POC1A: variants seen among roughly 807,000 people sequenced by gnomAD.
POC1A encodes the protein POC1 centriolar protein A.
In POC1A, 34 loss-of-function variants were observed where a neutral mutation model predicts 47.8. The observed-to-expected ratio is 0.71, with a 90% confidence interval of 0.54 to 0.95. The LOEUF (loss-of-function observed/expected upper bound fraction) is 0.95, where lower values mean the gene tolerates loss of function less well. POC1A is among the 40% of genes least tolerant of loss of function. The pLI, the probability that POC1A is intolerant of heterozygous loss-of-function variation, is 0.00. For missense variants in POC1A, 466 were observed against 528.3 expected (o/e 0.88, Z 1.16); for synonymous variants, 177 against 207.6 (o/e 0.85, Z 1.27).
chr3:52,149,481 C>T (rs1698481713), intron 3 of POC1A, 92 bp from the exon 4 acceptor site: 2 of 1,236,812 alleles, frequency 1.6e-6, no homozygotes, highest in Non-Finnish European at 2.3e-6. Flanking sequence ...CTCAAGCACC[C>T]CTCCCAAAGT....
intron 7 of POC1A, among the ~76,000 whole-genome samples, chr3:52,129,193 C>A (rs747695807): frequency 8.5e-5 from 13 of 152,070 alleles, no homozygotes; most frequent in Non-Finnish European, 1.5e-4. Context: ...GCAGGAGAAT[C>A]GCTTAAACCC....
At chr3:52,105,424 A>G (rs1237261318) in intron 9 of POC1A, among the ~76,000 whole-genome samples, 2 of 152,204 alleles carry the variant, frequency 1.3e-5, no homozygotes, top group African/African-American at 4.8e-5. Context: ...GCCTTCATGA[A>G]AAGTTGACAG....
chr3:52,085,324 T>C (rs1002449046), intron 10 of POC1A, among the ~76,000 whole-genome samples: 1 of 152,134 alleles, frequency 6.6e-6, no homozygotes, highest in Non-Finnish European at 1.5e-5. Flanking sequence ...CTCCTCTCAG[T>C]CCCCATCCTC....
chr3:52,089,135 C>T (rs774225338), intron 10 of POC1A, among the ~76,000 whole-genome samples: 3 of 151,822 alleles, frequency 2.0e-5, no homozygotes, highest in East Asian at 1.9e-4. Context: ...CGAGCTTGCC[C>T]GTTTTTGAGT....
Position 52,075,932 on chromosome 3 carries a change from C to G in POC1A, c.1179G>C (p.Gln393His). The change falls in exon 11 of 11, where the codon CAG (glutamine) becomes CAC (histidine). Residue 393 changes from glutamine to histidine, a missense_variant. Coordinates refer to ENST00000296484, the MANE Select transcript of POC1A (RefSeq NM_015426.5). Reference protein sequence around the residue: ...RLTLTEDKLKQCLENQQLIMQ... With the variant: ...RLTLTEDKLKHCLENQQLIMQ... ...TGATTAGCTGCTGGTTCTCCAGACA[C>G]TGCTTCAGCTTGTCTTCTGTCAGTG... 1 of 1,614,110 alleles carries G rather than the reference C, an allele frequency of 6.2e-7. No homozygotes were observed.
chr3:52,137,917 A>G (rs1409801699), intron 7 of POC1A, among the ~76,000 whole-genome samples: 1 of 152,204 alleles, frequency 6.6e-6, no homozygotes, highest in Non-Finnish European at 1.5e-5. Context: ...GATTCCATTC[A>G]GGCCCCTAAG....
At chr3:52,134,038 GGA>G (rs1410566293) in intron 7 of POC1A, among the ~76,000 whole-genome samples, 2 of 152,208 alleles carry the variant, frequency 1.3e-5, no homozygotes, top group Admixed American at 6.5e-5. Flanking sequence ...CCCTTCTGTT[GGA>G]TCAGAATGGG....
intron 7 of POC1A, among the ~76,000 whole-genome samples, chr3:52,136,526 T>C (rs1355869420): frequency 6.6e-6 from 1 of 152,198 alleles, no homozygotes; most frequent in African/African-American, 2.4e-5. Flanking sequence ...CGATGATGAA[T>C]GAACAAACAG....
chr3:52,154,288 G>A (rs960219067), intron 1 of POC1A, 67 bp downstream of exon 1: 5 of 1,485,694 alleles, frequency 3.4e-6, no homozygotes, highest in Admixed American at 4.0e-5. Context: ...CATCGCTCTG[G>A]CCATTAGGCG....
Position 52,075,993 on chromosome 3 carries a change from AT to A in POC1A, c.1126-9del. ...CTCCAGAATGGAGACTGTCTGCAAAATAAACAGTGGTTGGGTCAGAACACAG... is the reference window on the plus strand; with the variant it reads ...CTCCAGAATGGAGACTGTCTGCAAAAAAACAGTGGTTGGGTCAGAACACAG... On this transcript the variant is annotated splice_polypyrimidine_tract_variant and intron_variant, in intron 10 of 10. Transcript: ENST00000296484. The A allele has an allele frequency of 6.2e-7, 1 of 1,609,042 alleles. No individual in the cohort carries two copies. Among genetic ancestry groups the A allele is most frequent in the Non-Finnish European group, 8.5e-7 (1 of 1,175,610 alleles).
At chr3:52,131,054 T>C (rs945723272) in intron 7 of POC1A, among the ~76,000 whole-genome samples, 8 of 152,012 alleles carry the variant, frequency 5.3e-5, no homozygotes, top group Admixed American at 6.6e-5. Flanking sequence ...TGGCACCGTG[T>C]GCAGCTCAGT....
At chr3:52,089,178 A>C (rs945248891) in intron 10 of POC1A, among the ~76,000 whole-genome samples, 3 of 152,022 alleles carry the variant, frequency 2.0e-5, no homozygotes, top group African/African-American at 7.2e-5. Flanking sequence ...CGAAGGAGGC[A>C]GGGCACTGGC....
intron 8 of POC1A, among the ~76,000 whole-genome samples, chr3:52,124,696 T>C (rs1213089695): frequency 6.6e-6 from 1 of 152,164 alleles, no homozygotes; most frequent in East Asian, 1.9e-4. Context: ...CATGGAGATG[T>C]CACGAGAATT....
intron 7 of POC1A, among the ~76,000 whole-genome samples, chr3:52,127,885 G>A (rs190408841): frequency 1.7e-4 from 26 of 152,126 alleles, no homozygotes; most frequent in Admixed American, 1.4e-3. Context: ...TAGTAGAGAC[G>A]GGGTTTCGCC....
At chr3:52,143,382 C>G (rs145929822) in intron 6 of POC1A, among the ~76,000 whole-genome samples, 9 of 152,108 alleles carry the variant, frequency 5.9e-5, no homozygotes, top group Admixed American at 3.3e-4. Flanking sequence ...CAGTACCCAC[C>G]GCTCTCCTCG....
intron 7 of POC1A, among the ~76,000 whole-genome samples, chr3:52,129,787 C>T (rs1436271247): frequency 2.0e-5 from 3 of 152,238 alleles, no homozygotes; most frequent in Non-Finnish European, 4.4e-5. Flanking sequence ...ACCTGCTAAC[C>T]GGGCCATATC....
At chr3:52,104,503 CAT>C (rs1333499998) in intron 9 of POC1A, among the ~76,000 whole-genome samples, 5 of 152,280 alleles carry the variant, frequency 3.3e-5, no homozygotes, top group Admixed American at 3.3e-4. Context: ...AAACAAAAAA[CAT>C]GTGGTTACAA....
At chr3:52,096,921 G>A (rs1326744433) in intron 9 of POC1A, among the ~76,000 whole-genome samples, 1 of 152,252 alleles carries the variant, frequency 6.6e-6, no homozygotes, top group Non-Finnish European at 1.5e-5. Context: ...TAAGTGGGGA[G>A]TGGAATCAGA....
chr3:52,135,080 G>A (rs968277042), intron 7 of POC1A, among the ~76,000 whole-genome samples: 7 of 152,242 alleles, frequency 4.6e-5, no homozygotes, highest in African/African-American at 1.7e-4. Context: ...CTCTATACCT[G>A]CTGCAGAGTG....
Sources: gnomAD v4.1 joint callset for allele counts (sites outside exome capture counted in the v4.1 genomes callset) on GRCh38, gnomAD v4.1.1 for gene constraint, MANE v1.5 for transcripts, NCBI Gene and HGNC (gene_info 2026-07-23, HGNC 2026-07-21) for gene names.